Variants in ZNF469 observed in about 807,000 individuals in gnomAD.
The protein encoded by ZNF469 is zinc finger protein 469.
A neutral mutation model predicts 1.0 loss-of-function variants in ZNF469; 1 was observed. That is an observed-to-expected ratio of 1.00 (90% CI 0.35 to 4.73). ZNF469 has a LOEUF of 4.73. Ranked by LOEUF, ZNF469 falls within the 30% of genes most tolerant of loss-of-function variation. The probability of loss-of-function intolerance (pLI) is 0.16; values close to 1 mark genes in which losing one functional copy is unlikely to be tolerated. For synonymous variants in ZNF469, 2,703 were observed against 2,363.4 expected (o/e 1.14, Z -4.17); for missense variants, 6,100 against 5,356.3 (o/e 1.14, Z -4.33).
intron 1 of ZNF469, among the ~76,000 whole-genome samples, chr16:88,392,214 C>T (rs1000432661): frequency 1.3e-5 from 2 of 152,266 alleles, no homozygotes; most frequent in African/African-American, 4.8e-5. Flanking sequence ...AAGTCGCGTG[C>T]GCTCTGCGCT....
In ZNF469 at chr16:88,437,965, A is replaced by G. The variant is rs1030454971; in HGVS notation, c.10495A>G (p.Ile3499Val). Residue 3499 changes from isoleucine (I) to valine (V), a missense_variant, in exon 3 of 3, where the codon ATC (isoleucine) becomes GTC (valine). Coordinates refer to ENST00000565624, the MANE Select transcript of ZNF469 (RefSeq NM_001367624.2). ...GCCTCCTCCCCGGGGAAGCAGCCCC[A>G]TCCTGAGTGAGGGCTCTCTCCCGGC... is the stretch of plus-strand genomic sequence containing the variant. Reference protein sequence around the residue: ...DRPPPRGSSPILSEGSLPALL... With the variant: ...DRPPPRGSSPVLSEGSLPALL... 8 of 1,546,726 alleles carry G rather than the reference A, an allele frequency of 5.2e-6. No homozygotes were observed. Among genetic ancestry groups the G allele is most frequent in the Non-Finnish European group, 6.1e-6 (7 of 1,146,482 alleles).
At position 88,436,873 on chromosome 16, in the gene ZNF469, C is replaced by G. The variant is rs1906617977; in HGVS notation, c.9403C>G (p.Leu3135Val). The change falls in exon 3 of 3, where the codon CTG becomes GTG. Residue 3135 changes from leucine to valine, a missense_variant. By Grantham distance (32) the Leu-to-Val change is conservative (BLOSUM62 1). Coordinates refer to ENST00000565624, the MANE Select transcript of ZNF469 (RefSeq NM_001367624.2). Reference sequence around the variant, plus strand: ...CCTGGGCGAGCTGGACCTGCACAAGCTGGCCCACACGCCCGCGCCGCCGCC... The same window carrying G: ...CCTGGGCGAGCTGGACCTGCACAAGGTGGCCCACACGCCCGCGCCGCCGCC... ...RSLGELDLHK[L>V]AHTPAPPPTC... 1.3e-6 allele frequency: 2 copies of G among 1,516,050 alleles called. No homozygotes were observed. Among genetic ancestry groups the G allele is most frequent in the African/African-American group, 1.4e-5 (1 of 72,212 alleles). 93.9% of individuals were successfully genotyped at this position (1,516,050 alleles called of 1,614,324 possible).
Position 88,430,738 on chromosome 16 carries a change from C to G in ZNF469, c.3268C>G (p.Arg1090Gly), listed in dbSNP as rs1906105281. Residue 1090 changes from arginine (R) to glycine (G), a missense_variant, in exon 3 of 3, where the codon CGC becomes GGC. Physicochemically the swap from Arg to Gly is moderately radical, Grantham distance 125. Transcript: ENST00000565624. ...PRPGAEDRRLREYDFASESEE... is the reference protein window; with the variant it reads ...PRPGAEDRRLGEYDFASESEE... The stretch of plus-strand genomic sequence containing the variant: ...GCCCGGAGCTGAGGACCGCAGGCTC[C>G]GCGAGTACGACTTCGCCTCGGAGTC... The G allele has an allele frequency of 6.7e-7, 1 of 1,501,386 alleles. No homozygotes were observed. Among genetic ancestry groups the G allele is most frequent in the South Asian group, 1.3e-5 (1 of 79,112 alleles). 93.0% of individuals were successfully genotyped at this position (1,501,386 alleles called of 1,614,324 possible).
chr16:88,112,260 C>G, the ZNF469 span, among the ~76,000 whole-genome samples: 1 of 152,254 alleles, frequency 6.6e-6, no homozygotes, highest in African/African-American at 2.4e-5. Flanking sequence ...CTGCAGACAT[C>G]TCTTTGATAG....
At chr16:88,185,374 TTG>T in the ZNF469 span, among the ~76,000 whole-genome samples, 34,174 of 144,120 alleles carry the variant, frequency 0.24, 4,271 homozygotes, top group African/African-American at 0.35. Flanking sequence ...ACCTATACAC[TTG>T]TGTGTGCAGA....
chr16:88,202,302 G>T, the ZNF469 span, among the ~76,000 whole-genome samples: 1 of 152,232 alleles, frequency 6.6e-6, no homozygotes, highest in Non-Finnish European at 1.5e-5. Context: ...ACACAGCCCA[G>T]GAGCTTGCCC....
At chr16:88,107,066 G>A in the ZNF469 span, among the ~76,000 whole-genome samples, 2 of 152,214 alleles carry the variant, frequency 1.3e-5, no homozygotes, top group Non-Finnish European at 1.5e-5. Flanking sequence ...GCGGGCGGGG[G>A]TCTGCGTGCC....
At chr16:88,328,190 G>A in the ZNF469 span, among the ~76,000 whole-genome samples, 18 of 152,254 alleles carry the variant, frequency 1.2e-4, no homozygotes, top group South Asian at 6.2e-4. Context: ...GCAGACGCAC[G>A]CTATGTCATG....
chr16:88,134,722 C>T, the ZNF469 span, among the ~76,000 whole-genome samples: 3 of 152,230 alleles, frequency 2.0e-5, no homozygotes, highest in Non-Finnish European at 4.4e-5. Flanking sequence ...TAAATCCCTG[C>T]CGTCTGGCAG....
At chr16:88,140,952 A>AAAC in the ZNF469 span, among the ~76,000 whole-genome samples, 17 of 151,890 alleles carry the variant, frequency 1.1e-4, no homozygotes, top group Non-Finnish European at 2.5e-4. Flanking sequence ...AACAAACAAA[A>AAAC]AAACAAAAAA....
chr16:88,264,387 G>A, the ZNF469 span, among the ~76,000 whole-genome samples: 1 of 151,798 alleles, frequency 6.6e-6, no homozygotes, highest in Non-Finnish European at 1.5e-5. Context: ...CCCCCTTTGA[G>A]GTGAGCCAGC....
the ZNF469 span, among the ~76,000 whole-genome samples, chr16:88,138,436 C>A: frequency 6.6e-6 from 1 of 152,240 alleles, no homozygotes; most frequent in Non-Finnish European, 1.5e-5. Flanking sequence ...AGCTTCCTTA[C>A]TTCTTGGAAT....
chr16:88,246,426 T>C, the ZNF469 span, among the ~76,000 whole-genome samples: 2 of 152,050 alleles, frequency 1.3e-5, no homozygotes, highest in African/African-American at 4.8e-5. Context: ...GCAAGCCAAG[T>C]AAGGATTCCC....
the ZNF469 span, among the ~76,000 whole-genome samples, chr16:88,340,408 G>A: frequency 6.6e-6 from 1 of 152,218 alleles, no homozygotes; most frequent in Non-Finnish European, 1.5e-5. Flanking sequence ...ATGAACAGGT[G>A]TCATGGGCCA....
Position 88,438,078 on chromosome 16 carries a change from C to T in ZNF469, c.10608C>T (p.His3536=), listed in dbSNP as rs1906730181. The change falls in exon 3 of 3, where the codon CAC becomes CAT. Residue 3536 remains histidine, a synonymous_variant. Coordinates refer to ENST00000565624, the MANE Select transcript of ZNF469 (RefSeq NM_001367624.2). ...AGAGGCCTGTAGACCCCGTGACCCA[C>T]CCGATCAGAGGTTGTGAGCTGCCAT... ...TLERPVDPVT[H]PIRGCELPSN... 6.5e-7 allele frequency: 1 copy of T among 1,550,336 alleles called. No individual in the cohort carries two copies. The highest frequency in any genetic ancestry group is 1.2e-5 in the South Asian group (1 of 84,068).
At chr16:88,228,061 C>T in the ZNF469 span, among the ~76,000 whole-genome samples, 5 of 152,268 alleles carry the variant, frequency 3.3e-5, no homozygotes, top group African/African-American at 1.2e-4. Flanking sequence ...GGACACCCAC[C>T]GTTGCATTTA....
At chr16:88,376,551 CT>C in the ZNF469 span, among the ~76,000 whole-genome samples, 1 of 152,266 alleles carries the variant, frequency 6.6e-6, no homozygotes, top group East Asian at 1.9e-4. Context: ...GCGCCAGCCG[CT>C]GGCTGGGGTT....
chr16:88,352,395 A>G, the ZNF469 span, among the ~76,000 whole-genome samples: 2 of 152,242 alleles, frequency 1.3e-5, no homozygotes, highest in Admixed American at 6.5e-5. Flanking sequence ...TATGAAACCA[A>G]TAACAGAGCC....
In ZNF469 at chr16:88,424,426, G is replaced by A. The variant is rs1905613080; in HGVS notation, c.-191-381G>A. 6.6e-6 allele frequency among the ~76,000 whole-genome samples: 1 copy of A among 152,194 alleles called. No homozygotes were observed. The highest frequency in any genetic ancestry group is 1.5e-5 in the Non-Finnish European group (1 of 68,020). ...TCCTCTAGTCTCCCCAGCGGGACTG[G>A]GGAGGGATCCTGGCAGGGATGGGAG... On this transcript the variant is annotated intron_variant, in intron 1 of 2. Transcript: ENST00000565624. The surrounding 1 kb of genome is among the most constrained non-coding windows in gnomAD (Gnocchi z 4.3).
Sources: allele counts gnomAD v4.1 joint callset (sites outside exome capture counted in the v4.1 genomes callset), GRCh38; gene constraint gnomAD v4.1.1; non-coding constraint Gnocchi (gnomAD v3.1); transcripts MANE v1.5; gene names NCBI Gene and HGNC (gene_info 2026-07-23, HGNC 2026-07-21).